MAPK8IP3: variants seen among roughly 807,000 people sequenced by gnomAD.
MAPK8IP3 encodes the protein C-Jun-amino-terminal kinase-interacting protein 3.
MAPK8IP3 carries 49 observed loss-of-function variants against 157.8 expected under a neutral mutation model. That is an observed-to-expected ratio of 0.31 (90% CI 0.25 to 0.39). MAPK8IP3 has a LOEUF of 0.39. Among genes scored for constraint, MAPK8IP3 ranks in the 10% least tolerant of loss-of-function variants. The pLI is 1.00. For synonymous variants in MAPK8IP3, 897 were observed against 777.7 expected (o/e 1.15, Z -2.55); for missense variants, 1,478 against 1,889.4 (o/e 0.78, Z 4.04).
chr16:1,708,382 C>A (rs972083180), intron 1 of MAPK8IP3, among the ~76,000 whole-genome samples: 2 of 152,246 alleles, frequency 1.3e-5, no homozygotes, highest in African/African-American at 4.8e-5. Flanking sequence ...CCCTCCACTG[C>A]TCTCCCACAC....
chr16:1,767,121 C>G, intron 25 of MAPK8IP3, 28 bp from the exon 26 acceptor site: 2 of 1,611,778 alleles, frequency 1.2e-6, no homozygotes, highest in Non-Finnish European at 1.7e-6. Flanking sequence ...CTGGCCAGGC[C>G]TGAGCAGGTG....
chr16:1,748,929 T>G (rs1360975065), intron 8 of MAPK8IP3: 1 of 707,782 alleles, frequency 1.4e-6, no homozygotes, highest in South Asian at 1.4e-5. Context: ...GATGCCAAAA[T>G]CTGAGGCTTC....
intron 4 of MAPK8IP3, among the ~76,000 whole-genome samples, chr16:1,736,223 TCC>T (rs1273915980): frequency 3.7e-5 from 4 of 106,826 alleles, no homozygotes; most frequent in African/African-American, 1.5e-4. Flanking sequence ...CGTGTGAGCG[TCC>T]GTGTAAGCAT....
intron 13 of MAPK8IP3, 138 bp from the exon 14 acceptor site, chr16:1,762,213 C>T (rs2041993875): frequency 8.4e-7 from 1 of 1,194,830 alleles, no homozygotes. Context: ...TGCCGACACC[C>T]CTCCACACCG....
In MAPK8IP3 at chr16:1,768,347, C is replaced by T. The variant is rs372717162; in HGVS notation, c.3711C>T (p.Arg1237=). 59 of 1,604,784 alleles carry T rather than the reference C, an allele frequency of 3.7e-5. No individual in the cohort carries two copies. The highest frequency in any genetic ancestry group is 5.0e-5 in the Admixed American group (3 of 59,980). ...CCCAGCTATGCTTCCATGGGCACCG[C>T]GATGCCGTGAAGTTCTTTGTCTCGG... ...AQAQLCFHGH[R]DAVKFFVSVP... The change falls in exon 30 of 32, where the codon CGC becomes CGT. Residue 1237 remains arginine, a synonymous_variant. Transcript: ENST00000610761.
chr16:1,730,550 T>C (rs1486296545), intron 4 of MAPK8IP3, among the ~76,000 whole-genome samples: 2 of 151,250 alleles, frequency 1.3e-5, no homozygotes, highest in Non-Finnish European at 2.9e-5. Context: ...CCATCCTGGC[T>C]AACATGGTGA....
intron 1 of MAPK8IP3, among the ~76,000 whole-genome samples, chr16:1,722,922 C>T (rs1164146644): frequency 6.6e-6 from 1 of 151,948 alleles, no homozygotes; most frequent in South Asian, 2.1e-4. Flanking sequence ...AGGATGGACT[C>T]GATCTCCTGA....
chr16:1,720,073 C>T (rs866412368), intron 1 of MAPK8IP3, among the ~76,000 whole-genome samples: 9 of 152,162 alleles, frequency 5.9e-5, no homozygotes, highest in African/African-American at 1.7e-4. Context: ...GATGGAATCT[C>T]GCTCTTGTTG....
chr16:1,766,170 C>T lies in MAPK8IP3; in HGVS notation c.2629+28C>T, dbSNP rs757087368. On this transcript the variant is annotated intron_variant, in intron 21 of 31. Transcript: ENST00000610761. ...GAGTCCTGGGCGAGTTTCCCCCATC[C>T]CCTCATTCCCACGTTTCTGCCCAGC... 3.7e-6 allele frequency: 6 copies of T among 1,601,806 alleles called. No individual in the cohort carries two copies. The East Asian group carries it at 6.7e-5, about 18-fold the overall frequency.
Position 1,733,646 on chromosome 16 carries a change from G to A in MAPK8IP3, c.602+4068G>A, listed in dbSNP as rs142250175. Among the ~76,000 whole-genome samples, 380 of 152,336 alleles carry A rather than the reference G, an allele frequency of 2.5e-3. 2 individuals carry two copies. Among genetic ancestry groups the A allele is most frequent in the Middle Eastern group, 0.014 (4 of 294 alleles). On this transcript the variant is annotated intron_variant, in intron 4 of 31. Transcript: ENST00000610761. The stretch of plus-strand genomic sequence containing the variant: ...GGGCGCCGCCCCCGTCCCTTGGCTC[G>A]TCCTGGCGCCGAGAGTTCAGTGGGA...
Position 1,736,814 on chromosome 16 carries a change from G to A in MAPK8IP3, c.603-6518G>A, listed in dbSNP as rs148381394. 4.3e-3 allele frequency among the ~76,000 whole-genome samples: 225 copies of A among 52,700 alleles called. 1 individual carries two copies. Among genetic ancestry groups the A allele is most frequent in the East Asian group, 0.015 (18 of 1,180 alleles). 34.6% of individuals were successfully genotyped at this position (52,700 alleles called of 152,430 possible). A position where few individuals can be genotyped will look rare whatever the true frequency, so the allele number is the denominator to read the frequency against. ...TGACCGTCCGTGTGAGCGTGTGACCGTCCGTGTGAGCGTCCGTGTGAGCGT... is the reference window on the plus strand; with the variant it reads ...TGACCGTCCGTGTGAGCGTGTGACCATCCGTGTGAGCGTCCGTGTGAGCGT... On this transcript the variant is annotated intron_variant, in intron 4 of 31. Coordinates refer to ENST00000610761, the MANE Select transcript of MAPK8IP3 (RefSeq NM_001318852.2).
At position 1,767,905 on chromosome 16, in the gene MAPK8IP3, C is replaced by A; in HGVS notation, c.3510C>A (p.Ile1170=). 1 of 1,611,070 alleles carries A rather than the reference C, an allele frequency of 6.2e-7. No homozygotes were observed. Residue 1170 remains isoleucine (I), a synonymous_variant, in exon 28 of 32, where the codon ATC becomes ATA. Transcript: ENST00000610761. ...VGTGNGVVIS[I]PLTETVVLHR... ...CCGGCAACGGAGTGGTCATCTCCATCCCCCTGACAGAGAGTGAGTGGCCTG... is the reference window on the plus strand; with the variant it reads ...CCGGCAACGGAGTGGTCATCTCCATACCCCTGACAGAGAGTGAGTGGCCTG...
intron 1 of MAPK8IP3, chr16:1,708,006 A>T (rs895929754): frequency 1.3e-5 from 2 of 152,080 alleles, no homozygotes; most frequent in African/African-American, 4.8e-5. Context: ...TGTGGTTTCT[A>T]TTGCGTTTGG....
chr16:1,758,162 G>A lies in MAPK8IP3; in HGVS notation c.1228+3G>A, dbSNP rs957790776. 2 of 1,613,410 alleles carry A rather than the reference G, an allele frequency of 1.2e-6. No individual in the cohort carries two copies. The highest frequency in any genetic ancestry group is 1.7e-6 in the Non-Finnish European group (2 of 1,179,694). On this transcript the variant is annotated splice_donor_region_variant and intron_variant, in intron 9 of 31. Transcript: ENST00000610761. ...GGACTCGCCAGGGGAGTTCTCAGGT[G>A]AGTATCTCACTCTCCTGTCTGTCTC...
In MAPK8IP3 at chr16:1,729,225, A is replaced by G. The variant is rs374335171; in HGVS notation, c.510+17A>G. 1.1e-5 allele frequency: 18 copies of G among 1,613,552 alleles called. No individual in the cohort carries two copies. The highest frequency in any genetic ancestry group is 4.5e-5 in the East Asian group (2 of 44,880). On this transcript the variant is annotated intron_variant, in intron 3 of 31. Coordinates refer to ENST00000610761, the MANE Select transcript of MAPK8IP3 (RefSeq NM_001318852.2). Reference sequence around the variant, plus strand: ...CACACAGAGGTGGGCGCCCAGAGGCAAGCGCGGAGACGAGGGTTGGAGACA... The same window carrying G: ...CACACAGAGGTGGGCGCCCAGAGGCGAGCGCGGAGACGAGGGTTGGAGACA...
At chr16:1,717,235 CAAAA>C (rs1169533483) in intron 1 of MAPK8IP3, among the ~76,000 whole-genome samples, 15 of 60,404 alleles carry the variant, frequency 2.5e-4, no homozygotes, top group Non-Finnish European at 4.4e-4. Flanking sequence ...AACTCCATCT[CAAAA>C]AAAAAAAAAA....
Position 1,760,461 on chromosome 16 carries a change from G to A in MAPK8IP3, c.1386G>A (p.Glu462=). The change falls in exon 12 of 32, where the codon GAG becomes GAA. Residue 462 remains glutamate (E), a synonymous_variant. Transcript: ENST00000610761. ...LSGEQEVLRG[E]LEAAKQAKVK... The stretch of plus-strand genomic sequence containing the variant: ...GGGAGCAGGAGGTGCTGAGGGGCGA[G>A]TTGGAGGCTGCTAAGCAGGCCAAAG... 1.9e-6 allele frequency: 3 copies of A among 1,614,010 alleles called. No individual in the cohort carries two copies. The highest frequency in any genetic ancestry group is 2.5e-6 in the Non-Finnish European group (3 of 1,179,944).
At chr16:1,759,073 T>C in intron 10 of MAPK8IP3, 78 bp downstream of exon 10, 1 of 1,583,386 alleles carries the variant, frequency 6.3e-7, no homozygotes, top group East Asian at 2.2e-5. Flanking sequence ...CCGTTTGCTT[T>C]GTTCTGCATG....
intron 8 of MAPK8IP3, 33 bp from the exon 9 acceptor site, chr16:1,758,115 C>T (rs2041721912): frequency 6.2e-7 from 1 of 1,612,950 alleles, no homozygotes; most frequent in Non-Finnish European, 8.5e-7. Context: ...CCCTTCCTTC[C>T]CCTGCCTCTC....
Sources: allele counts gnomAD v4.1 joint callset (sites outside exome capture counted in the v4.1 genomes callset), GRCh38; gene constraint gnomAD v4.1.1; transcripts MANE v1.5; gene names NCBI Gene and HGNC (gene_info 2026-07-23, HGNC 2026-07-21).